TRPM3: variants seen among roughly 807,000 people sequenced by gnomAD.
The protein encoded by TRPM3 is transient receptor potential cation channel subfamily M member 3.
TRPM3 carries 77 observed loss-of-function variants against 181.2 expected under a neutral mutation model. The ratio of observed to expected loss-of-function variants is 0.42; its 90% confidence interval spans 0.35 to 0.51. TRPM3 has a LOEUF of 0.51. TRPM3 is among the 20% of genes least tolerant of loss of function. The pLI is 0.01. For synonymous variants in TRPM3, 745 were observed against 796.4 expected (o/e 0.94, Z 1.09); for missense variants, 1,759 against 2,196.7 (o/e 0.80, Z 3.98).
intron 1 of TRPM3, among the ~76,000 whole-genome samples, chr9:71,047,956 G>A (rs761630339): frequency 2.0e-5 from 3 of 151,964 alleles, no homozygotes; most frequent in Non-Finnish European, 2.9e-5. Flanking sequence ...AGTGTCTGAC[G>A]TATTAGGTAC....
chr9:71,037,822 G>C (rs1195221813), intron 1 of TRPM3, among the ~76,000 whole-genome samples: 1 of 152,198 alleles, frequency 6.6e-6, no homozygotes, highest in African/African-American at 2.4e-5. Flanking sequence ...TCCACTCACA[G>C]TTCTATCAAG....
At chr9:70,937,258 G>T (rs184037383) in intron 1 of TRPM3, among the ~76,000 whole-genome samples, 1 of 152,246 alleles carries the variant, frequency 6.6e-6, no homozygotes, top group African/African-American at 2.4e-5. Flanking sequence ...TTAAATTTAG[G>T]TTCCATTCTA....
At chr9:70,943,435 AC>A (rs2096904360) in intron 1 of TRPM3, among the ~76,000 whole-genome samples, 1 of 152,224 alleles carries the variant, frequency 6.6e-6, no homozygotes, top group African/African-American at 2.4e-5. Flanking sequence ...ATATGCCCTC[AC>A]TTTTAAACTC....
rs575176948 is a variant in TRPM3 at position 70,683,428 on chromosome 9, C to CTTTTTT, written c.1273-1856_1273-1851dup. On this transcript the variant is annotated intron_variant, in intron 8 of 25. Transcript: ENST00000677713. ...CCTTTTCTCTCTTTCTCTCTCTCTCCTTTTTTTTTTTTTTTTTTTTTTTTT... is the reference window on the plus strand; with the variant it reads ...CCTTTTCTCTCTTTCTCTCTCTCTCCTTTTTTTTTTTTTTTTTTTTTTTTTTTTTTT... Among the ~76,000 whole-genome samples, 440 of 57,452 alleles carry CTTTTTT rather than the reference C, an allele frequency of 7.7e-3. 54 individuals are homozygous for CTTTTTT. The highest frequency in any genetic ancestry group is 0.01 in the Non-Finnish European group (313 of 30,772). The allele number at this position is 57,452 out of a possible 152,430, so 37.7% of individuals were successfully genotyped here.
In TRPM3 at chr9:71,013,515, G is replaced by T. The variant is rs2097762212; in HGVS notation, c.177+107663C>A. 2.0e-5 allele frequency among the ~76,000 whole-genome samples: 3 copies of T among 151,678 alleles called. No individual in the cohort carries two copies. In the South Asian group the frequency reaches 6.2e-4, roughly 32 times the overall value. On this transcript the variant is annotated intron_variant, in intron 1 of 25. Transcript: ENST00000677713. ...GAAACAATTTTTGTACATTTGGGAT[G>T]ATCAAGTCTCTGAAGGTTTGGTAGT...
At chr9:71,237,086 G>C (rs2081401130) in intron 1 of TRPM3, among the ~76,000 whole-genome samples, 1 of 129,772 alleles carries the variant, frequency 7.7e-6, no homozygotes, top group Non-Finnish European at 1.6e-5. Flanking sequence ...AGAAAGGAAA[G>C]GGAAGGGGGA....
intron 6 of TRPM3, among the ~76,000 whole-genome samples, chr9:70,799,300 T>TATCA (rs145979626): frequency 0.027 from 4,059 of 152,286 alleles, 78 homozygotes; most frequent in Middle Eastern, 0.058. Context: ...AAGTAACCAT[T>TATCA]ATCATAGATG....
chr9:70,793,661 T>C, intron 6 of TRPM3: 1 of 470,504 alleles, frequency 2.1e-6, no homozygotes, highest in Non-Finnish European at 4.4e-6. Flanking sequence ...TCTTTTATCC[T>C]GAAGGTCCAC....
chr9:70,882,167 C>T (rs552236529), intron 1 of TRPM3, among the ~76,000 whole-genome samples: 10 of 152,086 alleles, frequency 6.6e-5, no homozygotes, highest in Non-Finnish European at 1.3e-4. Context: ...GTGCTCAGCC[C>T]AAGTTAGTCT....
At chr9:70,845,176 G>A (rs1010746743) in intron 4 of TRPM3, among the ~76,000 whole-genome samples, 2 of 152,278 alleles carry the variant, frequency 1.3e-5, no homozygotes, top group Admixed American at 1.3e-4. Context: ...AGAATTCTCA[G>A]TGTAGGTCTT....
At chr9:71,304,368 C>T (rs781069549) in intron 1 of TRPM3, among the ~76,000 whole-genome samples, 42 of 152,106 alleles carry the variant, frequency 2.8e-4, no homozygotes, top group Non-Finnish European at 4.4e-4. Flanking sequence ...CCTCATCCGA[C>T]GGAAGGCAGT....
At chr9:71,197,556 C>T (rs544100190) in intron 1 of TRPM3, among the ~76,000 whole-genome samples, 98 of 151,710 alleles carry the variant, frequency 6.5e-4, no homozygotes, top group Admixed American at 1.7e-3. Context: ...TTTTAATGAT[C>T]GCCATTCTAA....
chr9:70,913,653 T>C (rs2096560998), intron 1 of TRPM3, among the ~76,000 whole-genome samples: 1 of 152,200 alleles, frequency 6.6e-6, no homozygotes, highest in Admixed American at 6.5e-5. Flanking sequence ...AGAGGATCAT[T>C]CATGATGCCC....
intron 1 of TRPM3, among the ~76,000 whole-genome samples, chr9:71,087,972 A>G (rs2065565754): frequency 6.6e-6 from 1 of 152,072 alleles, no homozygotes; most frequent in African/African-American, 2.4e-5. Context: ...GCATCTATTC[A>G]TCCACCTTAA....
intron 1 of TRPM3, among the ~76,000 whole-genome samples, chr9:71,263,557 A>C (rs1291219759): frequency 1.3e-5 from 2 of 152,162 alleles, no homozygotes; most frequent in African/African-American, 2.4e-5. Flanking sequence ...GTTTGCAGGC[A>C]AACATTTCTT....
chr9:70,691,658 A>C (rs546793028), intron 8 of TRPM3, among the ~76,000 whole-genome samples: 1 of 152,322 alleles, frequency 6.6e-6, no homozygotes, highest in African/African-American at 2.4e-5. Context: ...TCTCCTCCCA[A>C]GAAATGCAAT....
At chr9:71,291,738 T>G (rs766821257) in intron 1 of TRPM3, among the ~76,000 whole-genome samples, 1 of 152,112 alleles carries the variant, frequency 6.6e-6, no homozygotes, top group Non-Finnish European at 1.5e-5. Flanking sequence ...GTGGAAGTTC[T>G]GATACACTGA....
At chr9:70,898,817 T>C (rs2096338518) in intron 1 of TRPM3, among the ~76,000 whole-genome samples, 2 of 151,982 alleles carry the variant, frequency 1.3e-5, no homozygotes, top group Middle Eastern at 3.4e-3. Flanking sequence ...TTCGTTCTAC[T>C]TCTGCAAATT....
At chr9:71,402,044 CT>C (rs772558059) in intron 1 of TRPM3, among the ~76,000 whole-genome samples, 2 of 152,178 alleles carry the variant, frequency 1.3e-5, no homozygotes, top group Non-Finnish European at 2.9e-5. Flanking sequence ...TTTCTGCCAA[CT>C]TTCAGCCAGC....
Sources: gnomAD v4.1 joint callset for allele counts (sites outside exome capture counted in the v4.1 genomes callset) on GRCh38, gnomAD v4.1.1 for gene constraint, MANE v1.5 for transcripts, NCBI Gene and HGNC (gene_info 2026-07-23, HGNC 2026-07-21) for gene names.